The following FAAH2 variants were observed in gnomAD, a reference collection of about 807,000 sequenced individuals.
FAAH2 encodes fatty acid amide hydrolase 2, also known as fatty-acid amide hydrolase 2.
A neutral mutation model predicts 36.9 loss-of-function variants in FAAH2; 60 were observed. That is an observed-to-expected ratio of 1.63 (90% confidence interval 1.32 to 2.02). FAAH2 has a LOEUF of 2.02. Among genes scored for constraint, FAAH2 ranks in the 30% most tolerant of loss-of-function variants. The pLI is 0.00. For missense variants in FAAH2, 689 were observed against 397.5 expected, an observed-to-expected ratio of 1.73 and a Z score of -6.23; for synonymous variants, 214 against 143.8, an observed-to-expected ratio of 1.49 and a Z score of -3.49.
chrX:57,377,918 C>G (rs1272074017), intron 5 of FAAH2, among the ~76,000 whole-genome samples: 1 of 111,421 alleles, frequency 9.0e-6, no homozygotes, highest in African/African-American at 3.3e-5. Flanking sequence ...TGTGAATGAG[C>G]GCTCACTCAT....
chrX:57,292,625 G>T (rs770002817), intron 2 of FAAH2, 45 bp downstream of exon 2: 3 of 1,073,312 alleles, frequency 2.8e-6, no homozygotes, highest in Non-Finnish European at 3.8e-6. Context: ...GGTGGTTTTT[G>T]TTCTACTTCT....
Position 57,301,643 on chromosome X carries a change from A to G in FAAH2, c.276-8950A>G, listed in dbSNP as rs1437509007. On this transcript the variant is annotated intron_variant, in intron 2 of 10. Transcript: ENST00000374900. Reference sequence around the variant, plus strand: ...TAATAATAATAATAATAATAATAATAAAAGAAATATCTTCACATAAAATCT... The same window carrying G: ...TAATAATAATAATAATAATAATAATGAAAGAAATATCTTCACATAAAATCT... Among the ~76,000 whole-genome samples the G allele has an allele frequency of 3.7e-5, 4 of 107,489 alleles. No homozygotes were observed. In the East Asian group the frequency reaches 8.7e-4, roughly 23 times the overall value. The allele number at this position is 107,489 out of a possible 115,157, so 93.3% of individuals were successfully genotyped here.
chrX:57,387,230 T>C (rs772664733), intron 7 of FAAH2, among the ~76,000 whole-genome samples: 1 of 111,715 alleles, frequency 9.0e-6, no homozygotes, highest in South Asian at 3.7e-4. Context: ...ATAAGCATGC[T>C]AACCATCACC....
chrX:57,239,806 A>T, the FAAH2 span, among the ~76,000 whole-genome samples: 3 of 111,418 alleles, frequency 2.7e-5, no homozygotes, highest in African/African-American at 9.8e-5. Context: ...TATTTTGCTC[A>T]TCTTAGTCTG....
At chrX:57,371,675 G>A (rs1227479476) in intron 5 of FAAH2, among the ~76,000 whole-genome samples, 1 of 109,196 alleles carries the variant, frequency 9.2e-6, no homozygotes, top group African/African-American at 3.3e-5. Flanking sequence ...TTCAGAAACA[G>A]GGGATACATG....
chrX:57,230,652 G>A, the FAAH2 span, among the ~76,000 whole-genome samples: 9 of 111,208 alleles, frequency 8.1e-5, no homozygotes, highest in East Asian at 2.0e-3. Context: ...TATCTAAAAA[G>A]CTATTAAACC....
the FAAH2 span, among the ~76,000 whole-genome samples, chrX:57,193,146 T>G: frequency 8.9e-6 from 1 of 111,862 alleles, no homozygotes; most frequent in Non-Finnish European, 1.9e-5. Flanking sequence ...TGAATTCTGT[T>G]TCTCAGCAAG....
the FAAH2 span, among the ~76,000 whole-genome samples, chrX:57,188,061 A>T: frequency 1.8e-5 from 2 of 111,466 alleles, no homozygotes; most frequent in Admixed American, 1.9e-4. Context: ...TGATATCAGG[A>T]TGGTGCTGGC....
intron 5 of FAAH2, among the ~76,000 whole-genome samples, chrX:57,353,739 C>T (rs1302503688): frequency 9.0e-6 from 1 of 110,822 alleles, no homozygotes; most frequent in Non-Finnish European, 1.9e-5. Context: ...GAATATATAA[C>T]AAGCTCAACT....
chrX:57,235,339 G>T, the FAAH2 span, among the ~76,000 whole-genome samples: 1 of 111,481 alleles, frequency 9.0e-6, no homozygotes, highest in East Asian at 2.8e-4. Flanking sequence ...AGGTGTTGGG[G>T]ATGGTACATG....
the FAAH2 span, among the ~76,000 whole-genome samples, chrX:57,203,915 G>A: frequency 9.0e-6 from 1 of 111,514 alleles, no homozygotes; most frequent in Admixed American, 9.5e-5. Flanking sequence ...CTTATGTTTA[G>A]CTCCTAGAGC....
At chrX:57,357,440 C>G (rs894788010) in intron 5 of FAAH2, among the ~76,000 whole-genome samples, 1 of 111,535 alleles carries the variant, frequency 9.0e-6, no homozygotes, top group African/African-American at 3.3e-5. Flanking sequence ...ATCCATCTGA[C>G]AAAGGGCTAA....
intron 7 of FAAH2, chrX:57,395,124 C>T (rs996964136): frequency 5.6e-6 from 3 of 539,996 alleles, no homozygotes; most frequent in Admixed American, 2.3e-5. Flanking sequence ...GCACTACGAA[C>T]CCGTGTACAG....
chrX:57,216,137 C>A, the FAAH2 span, among the ~76,000 whole-genome samples: 4 of 107,551 alleles, frequency 3.7e-5, no homozygotes, highest in Non-Finnish European at 7.7e-5. Context: ...TTTTGTTTTT[C>A]TGTAAGTTAT....
chrX:57,435,841 G>A (rs901003006), intron 8 of FAAH2, among the ~76,000 whole-genome samples: 14 of 111,139 alleles, frequency 1.3e-4, no homozygotes, highest in African/African-American at 3.6e-4. Context: ...AGGTGCAATA[G>A]ACCTAACACA....
chrX:57,433,544 T>C (rs1044942230), intron 8 of FAAH2, among the ~76,000 whole-genome samples: 2 of 112,442 alleles, frequency 1.8e-5, no homozygotes, highest in Admixed American at 9.5e-5. Flanking sequence ...TTATGACACA[T>C]ACATACAATG....
chrX:57,179,924 T>A, the FAAH2 span, among the ~76,000 whole-genome samples: 1 of 112,168 alleles, frequency 8.9e-6, no homozygotes, highest in Non-Finnish European at 1.9e-5. Flanking sequence ...CACCCTCAGA[T>A]AACAGCACAA....
intron 10 of FAAH2, among the ~76,000 whole-genome samples, chrX:57,479,136 C>T (rs1246406219): frequency 1.8e-5 from 2 of 111,272 alleles, no homozygotes; most frequent in East Asian, 2.8e-4. Flanking sequence ...ATTGTTCTTC[C>T]ATTTTTTTGT....
At chrX:57,203,819 C>A in the FAAH2 span, among the ~76,000 whole-genome samples, 1 of 111,927 alleles carries the variant, frequency 8.9e-6, no homozygotes. Flanking sequence ...TATCCAAAGA[C>A]AAGTTTGTAG....
Sources: allele counts gnomAD v4.1 joint callset (sites outside exome capture counted in the v4.1 genomes callset), GRCh38; gene constraint gnomAD v4.1.1; transcripts MANE v1.5; gene names NCBI Gene and HGNC (gene_info 2026-07-23, HGNC 2026-07-21).